Variants in SLC14A2 observed in about 807,000 individuals in gnomAD.
SLC14A2 encodes urea transporter 2.
A neutral mutation model predicts 104.6 loss-of-function variants in SLC14A2; 91 were observed. The ratio of observed to expected loss-of-function variants is 0.87; its 90% confidence interval spans 0.73 to 1.04. The LOEUF (loss-of-function observed/expected upper bound fraction) is 1.04. SLC14A2 is among the 50% of genes least tolerant of loss of function. The pLI is 0.00. For missense variants in SLC14A2, 1,189 were observed against 1,156.0 expected (o/e 1.03, Z -0.41); for synonymous variants, 476 against 466.4 (o/e 1.02, Z -0.27).
chr18:45,678,527 G>A (rs1366300340), intron 18 of SLC14A2, among the ~76,000 whole-genome samples: 1 of 152,192 alleles, frequency 6.6e-6, no homozygotes, highest in Non-Finnish European at 1.5e-5. Flanking sequence ...TACACGACAA[G>A]GCACTGGGCA....
chr18:45,509,914 G>A (rs2043340874), intron 2 of SLC14A2, among the ~76,000 whole-genome samples: 1 of 152,192 alleles, frequency 6.6e-6, no homozygotes, highest in African/African-American at 2.4e-5. Context: ...GAACCTGAGA[G>A]ACCTTGGAGA....
chr18:45,504,644 A>G (rs1398265026), intron 2 of SLC14A2, among the ~76,000 whole-genome samples: 1 of 152,242 alleles, frequency 6.6e-6, no homozygotes, highest in East Asian at 1.9e-4. Context: ...TTGAATCCAC[A>G]TAAAAATATT....
intron 1 of SLC14A2, among the ~76,000 whole-genome samples, chr18:45,430,328 T>C (rs1439549723): frequency 6.6e-6 from 1 of 152,232 alleles, no homozygotes; most frequent in Non-Finnish European, 1.5e-5. Context: ...TTAGTAGTTA[T>C]ATTTGTTGGA....
intron 6 of SLC14A2, 63 bp downstream of exon 6, chr18:45,637,245 C>G: frequency 1.5e-6 from 2 of 1,349,468 alleles, no homozygotes; most frequent in Non-Finnish European, 2.1e-6. Flanking sequence ...TCTCGCCAAC[C>G]AATTTGTGGA....
At chr18:45,179,988 A>T in the SLC14A2 span, 1 of 152,158 alleles carries the variant, frequency 6.6e-6, no homozygotes, top group African/African-American at 2.4e-5. Context: ...TCTATAAAAA[A>T]TAAACGAAAA....
At chr18:45,247,843 C>T (rs1256860452) in intron 1 of SLC14A2, among the ~76,000 whole-genome samples, 2 of 151,990 alleles carry the variant, frequency 1.3e-5, no homozygotes, top group Non-Finnish European at 2.9e-5. Flanking sequence ...CAAAGAAGCT[C>T]ATCTATGTAG....
At chr18:45,214,368 G>A (rs1350731711) in intron 1 of SLC14A2, among the ~76,000 whole-genome samples, 1 of 152,146 alleles carries the variant, frequency 6.6e-6, no homozygotes, top group Non-Finnish European at 1.5e-5. Context: ...CAGAATCTCG[G>A]TCTCTGGGTT....
intron 1 of SLC14A2, among the ~76,000 whole-genome samples, chr18:45,215,674 C>A (rs965315150): frequency 1.3e-5 from 2 of 152,202 alleles, no homozygotes; most frequent in Admixed American, 1.3e-4. Context: ...CTTATTACTT[C>A]TGTGGGACTT....
At chr18:45,291,770 G>A (rs2084871867) in intron 1 of SLC14A2, among the ~76,000 whole-genome samples, 2 of 151,532 alleles carry the variant, frequency 1.3e-5, no homozygotes, top group South Asian at 4.2e-4. Context: ...CTACATAGGA[G>A]TCACGGTGAC....
At chr18:45,257,173 G>A (rs959829606) in intron 1 of SLC14A2, among the ~76,000 whole-genome samples, 2 of 152,202 alleles carry the variant, frequency 1.3e-5, no homozygotes, top group Non-Finnish European at 2.9e-5. Flanking sequence ...GTTGGTTTTA[G>A]TGACACATTT....
chr18:45,243,131 T>G (rs914955205), intron 1 of SLC14A2, among the ~76,000 whole-genome samples: 1 of 152,170 alleles, frequency 6.6e-6, no homozygotes, highest in African/African-American at 2.4e-5. Context: ...TAATATTCAG[T>G]TGTAGTAATT....
intron 1 of SLC14A2, among the ~76,000 whole-genome samples, chr18:45,455,356 G>T (rs747686240): frequency 5.3e-5 from 8 of 152,102 alleles, no homozygotes; most frequent in Non-Finnish European, 1.2e-4. Context: ...GGACATGGAG[G>T]AAGCTGGAAA....
At chr18:45,540,221 C>T (rs1454282056) in intron 2 of SLC14A2, among the ~76,000 whole-genome samples, 1 of 152,152 alleles carries the variant, frequency 6.6e-6, no homozygotes, top group Admixed American at 6.5e-5. Context: ...CCCCTACACC[C>T]CATTTGGACT....
chr18:45,480,267 ATTC>A (rs1223345169), intron 1 of SLC14A2, among the ~76,000 whole-genome samples: 2 of 152,220 alleles, frequency 1.3e-5, no homozygotes, highest in Non-Finnish European at 1.5e-5. Flanking sequence ...CCCAGACAAG[ATTC>A]TTCAATTTCT....
the SLC14A2 span, among the ~76,000 whole-genome samples, chr18:45,183,361 T>A: frequency 2.6e-5 from 4 of 152,270 alleles, no homozygotes; most frequent in African/African-American, 4.8e-5. Context: ...TCACCTTTTA[T>A]CTTGCTGCAC....
chr18:45,557,701 C>T (rs944641936), intron 2 of SLC14A2, among the ~76,000 whole-genome samples: 10 of 152,176 alleles, frequency 6.6e-5, no homozygotes, highest in African/African-American at 2.4e-4. Context: ...TAGGCATCCC[C>T]TCCTAGTGTG....
At chr18:45,236,568 T>A (rs1481751122) in intron 1 of SLC14A2, among the ~76,000 whole-genome samples, 1 of 129,822 alleles carries the variant, frequency 7.7e-6, no homozygotes. Context: ...TGTGTATATA[T>A]GTATATATAC....
chr18:45,639,208 G>A (rs1446649256), intron 6 of SLC14A2, among the ~76,000 whole-genome samples: 1 of 152,306 alleles, frequency 6.6e-6, no homozygotes, highest in Non-Finnish European at 1.5e-5. Context: ...CAAAGAGGAC[G>A]TGTCAGCAGT....
chr18:45,228,986 C>T (rs1035334109), intron 1 of SLC14A2, among the ~76,000 whole-genome samples: 5 of 152,134 alleles, frequency 3.3e-5, no homozygotes, highest in East Asian at 1.9e-4. Context: ...TGCCATCTGT[C>T]GCAGAAATCC....
Sources: allele counts gnomAD v4.1 joint callset (sites outside exome capture counted in the v4.1 genomes callset), GRCh38; gene constraint gnomAD v4.1.1; transcripts MANE v1.5; gene names NCBI Gene and HGNC (gene_info 2026-07-23, HGNC 2026-07-21).